The following ZNF732 variants were observed in gnomAD, a reference collection of about 807,000 sequenced individuals.
The protein encoded by ZNF732 is zinc finger protein LOC654254.
Under a neutral mutation model 11.5 loss-of-function variants are expected in ZNF732, and 12 were observed. That is an observed-to-expected ratio of 1.05 (90% CI 0.67 to 1.70). ZNF732 has a LOEUF of 1.70. Among genes scored for constraint, ZNF732 ranks in the 40% most tolerant of loss-of-function variants. ZNF732 has a pLI of 0.00. For synonymous variants in ZNF732, 231 were observed against 236.5 expected, an observed-to-expected ratio of 0.98 and a Z score of 0.21; for missense variants, 702 against 676.9, an observed-to-expected ratio of 1.04 and a Z score of -0.41.
intron 3 of ZNF732, among the ~76,000 whole-genome samples, chr4:285,929 G>C (rs2108656162): frequency 6.6e-6 from 1 of 152,326 alleles, no homozygotes; most frequent in South Asian, 2.1e-4. Context: ...TTTTGGTAGA[G>C]ATGGGATTTC....
intron 3 of ZNF732, among the ~76,000 whole-genome samples, chr4:294,306 T>A (rs1365192866): frequency 6.6e-6 from 1 of 152,158 alleles, no homozygotes; most frequent in East Asian, 1.9e-4. Flanking sequence ...AGCCCTAAAA[T>A]ACGCTTTCTA....
At chr4:273,578 AAAC>A (rs1474870575) in intron 3 of ZNF732, among the ~76,000 whole-genome samples, 1 of 151,920 alleles carries the variant, frequency 6.6e-6, no homozygotes, top group Non-Finnish European at 1.5e-5. Context: ...TAAAAACAAA[AAAC>A]AAATCATGAA....
chr4:282,395 ATTCTT>A (rs1332014850), intron 3 of ZNF732, among the ~76,000 whole-genome samples: 1 of 152,192 alleles, frequency 6.6e-6, no homozygotes, highest in African/African-American at 2.4e-5. Context: ...AAAGCTATTT[ATTCTT>A]TTTTTAAAAA....
chr4:297,800 C>T (rs1242734440), intron 1 of ZNF732, among the ~76,000 whole-genome samples: 5 of 152,226 alleles, frequency 3.3e-5, no homozygotes, highest in African/African-American at 1.2e-4. Flanking sequence ...TAGGAGTAGT[C>T]ACTCCAAACT....
intron 3 of ZNF732, among the ~76,000 whole-genome samples, chr4:293,887 T>C (rs1319230580): frequency 1.3e-5 from 2 of 152,190 alleles, no homozygotes; most frequent in Admixed American, 1.3e-4. Context: ...AGATATATAG[T>C]AAGTACTCAA....
intron 3 of ZNF732, among the ~76,000 whole-genome samples, chr4:282,873 A>T (rs980939899): frequency 2.6e-5 from 4 of 152,220 alleles, no homozygotes; most frequent in African/African-American, 9.6e-5. Flanking sequence ...AAGGGAAGGC[A>T]GCATGAAAGA....
intron 1 of ZNF732, among the ~76,000 whole-genome samples, chr4:300,756 T>C (rs2108662323): frequency 6.6e-6 from 1 of 152,264 alleles, no homozygotes; most frequent in South Asian, 2.1e-4. Flanking sequence ...GTTGAAGTTC[T>C]CAGGTTTACC....
intron 1 of ZNF732, among the ~76,000 whole-genome samples, chr4:297,276 AAAC>A (rs1417422715): frequency 1.3e-5 from 2 of 151,996 alleles, no homozygotes; most frequent in South Asian, 2.1e-4. Context: ...AAAAAAAAAA[AAAC>A]AACAAAAAAC....
At chr4:300,600 T>C (rs1293369170) in intron 1 of ZNF732, among the ~76,000 whole-genome samples, 1 of 152,144 alleles carries the variant, frequency 6.6e-6, no homozygotes, top group Non-Finnish European at 1.5e-5. Flanking sequence ...GTCTGATCAT[T>C]AAAATAACTT....
Position 270,937 on chromosome 4 carries a change from G to C in ZNF732, c.*162C>G. 1 of 771,368 alleles carries C rather than the reference G, an allele frequency of 1.3e-6. No individual in the cohort carries two copies. The highest frequency in any genetic ancestry group is 2.3e-4 in the Middle Eastern group (1 of 4,342). The allele number at this position is 771,368 out of a possible 1,614,324, so 47.8% of individuals were successfully genotyped here. A position where few individuals can be genotyped will look rare whatever the true frequency, so the allele number is the denominator to read the frequency against. ...TTTCCCACATTCTTTACATTTGTAG[G>C]GTTTTTCTCCAGTATGAATTCTTAC... On this transcript the variant is annotated 3_prime_UTR_variant, in exon 4 of 4. Coordinates refer to ENST00000419098, the MANE Select transcript of ZNF732 (RefSeq NM_001137608.3).
intron 3 of ZNF732, among the ~76,000 whole-genome samples, chr4:285,824 C>G (rs1413239279): frequency 6.6e-6 from 1 of 152,238 alleles, no homozygotes; most frequent in African/African-American, 2.4e-5. Context: ...ATGCCAGACT[C>G]AACCTCCCAG....
At chr4:289,866 C>G (rs1719805013) in intron 3 of ZNF732, among the ~76,000 whole-genome samples, 1 of 152,132 alleles carries the variant, frequency 6.6e-6, no homozygotes, top group South Asian at 2.1e-4. Context: ...TCCATGAGGG[C>G]TTGTAATTTG....
Position 303,163 on chromosome 4 carries a change from T to C in ZNF732, c.3+2145A>G, listed in dbSNP as rs1045445569. Among the ~76,000 whole-genome samples, 3 of 152,360 alleles carry C rather than the reference T, an allele frequency of 2.0e-5. No homozygotes were observed. The South Asian group carries it at 6.2e-4, about 32-fold the overall frequency. On this transcript the variant is annotated intron_variant, in intron 1 of 3. Transcript: ENST00000419098. ...AGCCCCTGCACCTGGAACTGTTTAC[T>C]TTCCTGTAACCATTTATCCTTTTAA... is the stretch of plus-strand genomic sequence containing the variant.
intron 3 of ZNF732, among the ~76,000 whole-genome samples, chr4:275,824 A>G (rs1719482779): frequency 6.6e-6 from 1 of 151,826 alleles, no homozygotes; most frequent in Admixed American, 6.6e-5. Flanking sequence ...GACAAACTAT[A>G]TGAATCAACT....
At chr4:278,996 G>A (rs926339431) in intron 3 of ZNF732, among the ~76,000 whole-genome samples, 49 of 152,162 alleles carry the variant, frequency 3.2e-4, no homozygotes, top group African/African-American at 9.7e-4. Context: ...TATCTGCATT[G>A]CCATTTACAT....
intron 1 of ZNF732, among the ~76,000 whole-genome samples, chr4:303,887 C>T (rs1329429585): frequency 6.6e-6 from 1 of 152,134 alleles, no homozygotes; most frequent in African/African-American, 2.4e-5. Context: ...TATCAAGAGT[C>T]ATGGTGGGGA....
rs782140243 is a variant in ZNF732 at position 295,526 on chromosome 4, A to C, written c.138T>G (p.Ala46=). Residue 46 remains alanine, a synonymous_variant, in exon 3 of 4, where the codon GCT becomes GCG. Transcript: ENST00000419098. ...AGATGACCAGGTCTGGGTTAGAGATAGCAACACCTGTTTATTTTAAAAAAT... is the reference window on the plus strand; with the variant it reads ...AGATGACCAGGTCTGGGTTAGAGATCGCAACACCTGTTTATTTTAAAAAAT... ...NYRNLISLGV[A]ISNPDLVIYL... 3 of 1,611,634 alleles carry C rather than the reference A, an allele frequency of 1.9e-6. No homozygotes were observed. The Admixed American group carries it at 5.0e-5, about 27-fold the overall frequency.
intron 3 of ZNF732, among the ~76,000 whole-genome samples, chr4:282,279 G>T (rs1329966593): frequency 2.0e-5 from 3 of 152,176 alleles, no homozygotes; most frequent in Non-Finnish European, 4.4e-5. Context: ...TTTATACATA[G>T]AAGTTCACTT....
At chr4:274,804 C>CAAT (rs1218133329) in intron 3 of ZNF732, among the ~76,000 whole-genome samples, 2 of 151,436 alleles carry the variant, frequency 1.3e-5, no homozygotes, top group African/African-American at 4.8e-5. Context: ...GGACATTAAA[C>CAAT]AATAATAATA....
Sources: allele counts gnomAD v4.1 joint callset (sites outside exome capture counted in the v4.1 genomes callset), GRCh38; gene constraint gnomAD v4.1.1; transcripts MANE v1.5; gene names NCBI Gene and HGNC (gene_info 2026-07-23, HGNC 2026-07-21).